Variants in TAF6 observed in about 807,000 individuals in gnomAD.
The protein encoded by TAF6 is TATA-box binding protein associated factor 6, also known as transcription initiation factor TFIID subunit 6.
Under a neutral mutation model 73.5 loss-of-function variants are expected in TAF6, and 50 were observed. The ratio of observed to expected loss-of-function variants is 0.68; its 90% confidence interval spans 0.54 to 0.86. The LOEUF (loss-of-function observed/expected upper bound fraction) is 0.86, where lower values mean the gene tolerates loss of function less well. Ranked by LOEUF, TAF6 falls within the 40% of genes least tolerant of loss-of-function variation. The probability of loss-of-function intolerance (pLI) is 0.00; values close to 1 mark genes in which losing one functional copy is unlikely to be tolerated. For missense variants in TAF6, 768 were observed against 899.5 expected (o/e 0.85, Z 1.87); for synonymous variants, 424 against 376.7 (o/e 1.13, Z -1.45).
At position 100,117,977 on chromosome 7, in the gene TAF6, C is replaced by T. The variant is rs1301959213; in HGVS notation, c.-60+1227G>A. ...AGGAGAATGGCGTGAGCCCGGGAGG[C>T]GGAGCTTGCAGTGAGCCGAGATCGC... On this transcript the variant is annotated intron_variant, in intron 1 of 14. Coordinates refer to ENST00000453269, the MANE Select transcript of TAF6 (RefSeq NM_139315.3). Among the ~76,000 whole-genome samples the T allele has an allele frequency of 4.1e-5, 6 of 145,826 alleles. No individual in the cohort carries two copies. The East Asian group carries it at 6.5e-4, about 16-fold the overall frequency.
At chr7:100,119,538 T>G (rs1462414052), upstream of TAF6, 3 of 1,362,802 alleles carry the variant, frequency 2.2e-6, no homozygotes, top group Non-Finnish European at 2.0e-6. Flanking sequence ...ACTACCCGGC[T>G]GCCAGGACCT....
chr7:100,121,841 C>G (rs1055498202), upstream of TAF6, among the ~76,000 whole-genome samples: 52 of 151,320 alleles, frequency 3.4e-4, no homozygotes, highest in Admixed American at 9.2e-4. Flanking sequence ...ACAAGGTCAG[C>G]TGATCGAGAC....
At chr7:100,112,762 C>T (rs748044580) in intron 6 of TAF6, 36 bp downstream of exon 6, 1 of 1,555,492 alleles carries the variant, frequency 6.4e-7, no homozygotes, top group South Asian at 1.2e-5. Flanking sequence ...TGGCTTTGGG[C>T]AAGAGTCCAG....
At chr7:100,122,987 G>GCGACCACCGA, upstream of TAF6, 1 of 1,458,214 alleles carries the variant, frequency 6.9e-7, no homozygotes, top group East Asian at 2.3e-5. Flanking sequence ...TGACTATAGG[G>GCGACCACCGA]GATGTCTACC....
upstream of TAF6, chr7:100,122,756 GGCT>G: frequency 1.2e-6 from 2 of 1,604,290 alleles, no homozygotes; most frequent in Non-Finnish European, 1.7e-6. Flanking sequence ...TGGTGAGCTG[GGCT>G]GATGCCAAAT....
chr7:100,114,836 G>A (rs914382902), intron 1 of TAF6, among the ~76,000 whole-genome samples: 1 of 152,012 alleles, frequency 6.6e-6, no homozygotes, highest in Non-Finnish European at 1.5e-5. Flanking sequence ...ACAACACAGT[G>A]AGACCCCATC....
At chr7:100,111,429 T>C (rs1451088392) in intron 9 of TAF6, 108 bp from the exon 10 acceptor site, 2 of 1,314,158 alleles carry the variant, frequency 1.5e-6, no homozygotes, top group Admixed American at 2.3e-5. Context: ...CATGGCTAAC[T>C]GCAGCATCAA....
At position 100,113,609 on chromosome 7, in the gene TAF6, C is replaced by T. The variant is rs1227123900; in HGVS notation, c.397+7G>A. On this transcript the variant is annotated splice_region_variant and intron_variant, in intron 4 of 14. Coordinates refer to ENST00000453269, the MANE Select transcript of TAF6 (RefSeq NM_139315.3). ...CTCCCTGCCACCCTGCTCTCCCCTC[C>T]CCCAACCTTTGAGGCAGACGTCCAG... The T allele has an allele frequency of 1.9e-6, 3 of 1,613,720 alleles. No individual in the cohort carries two copies. The highest frequency in any genetic ancestry group is 2.5e-6 in the Non-Finnish European group (3 of 1,179,862).
chr7:100,108,627 C>T, intron 12 of TAF6, 87 bp from the exon 13 acceptor site: 1 of 1,441,348 alleles, frequency 6.9e-7, no homozygotes, highest in Non-Finnish European at 9.3e-7. Flanking sequence ...TTGAGAAGAA[C>T]CTTGGGGATG....
intron 1 of TAF6, among the ~76,000 whole-genome samples, chr7:100,117,920 A>T (rs948569254): frequency 2.6e-5 from 4 of 151,942 alleles, no homozygotes; most frequent in African/African-American, 9.7e-5. Context: ...GCAGGCACCT[A>T]TAGTCCCTGC....
chr7:100,107,859 G>A, intron 14 of TAF6, 67 bp downstream of exon 14: 2 of 1,532,912 alleles, frequency 1.3e-6, no homozygotes, highest in Non-Finnish European at 1.8e-6. Flanking sequence ...CTACTCCTGG[G>A]CCTCCCCAGG....
intron 1 of TAF6, 80 bp from the exon 2 acceptor site, chr7:100,114,348 A>G: frequency 7.2e-7 from 1 of 1,382,874 alleles, no homozygotes; most frequent in South Asian, 1.2e-5. Context: ...GACAGTGGAG[A>G]CAGGGGAGGA....
chr7:100,108,764 C>A, intron 12 of TAF6: 1 of 466,780 alleles, frequency 2.1e-6, no homozygotes, highest in Non-Finnish European at 3.8e-6. Context: ...GGGCCAGGTG[C>A]AGCATCTTAG....
Position 100,113,902 on chromosome 7 carries a change from T to G in TAF6, c.209A>C (p.Asp70Ala). ...CTTTAGCTTCAAGGCGTAGTCAATGTCACTGGTGGTGAGCTTCTGCCGCTT... is the reference window on the plus strand; with the variant it reads ...CTTTAGCTTCAAGGCGTAGTCAATGGCACTGGTGGTGAGCTTCTGCCGCTT... ...MGKRQKLTTS[D>A]IDYALKLKNV... The change falls in exon 3 of 15, where the codon GAC (aspartate) becomes GCC (alanine). Residue 70 changes from aspartate to alanine, a missense_variant. By Grantham distance (126) the Asp-to-Ala change is moderately radical. Around this residue, in one of 5 missense-constraint regions of TAF6, gnomAD observed 269 missense variants for 268.0 expected, o/e 1.00. Coordinates refer to ENST00000453269, the MANE Select transcript of TAF6 (RefSeq NM_139315.3). 1 of 1,613,814 alleles carries G rather than the reference T, an allele frequency of 6.2e-7. No homozygotes were observed.
chr7:100,114,526 C>T, intron 1 of TAF6: 1 of 600,060 alleles, frequency 1.7e-6, no homozygotes, highest in Non-Finnish European at 3.0e-6. Flanking sequence ...TCGAGACCAG[C>T]CTGGCCAACA....
At chr7:100,122,933 G>A (rs766552311), upstream of TAF6, 4 of 1,592,654 alleles carry the variant, frequency 2.5e-6, no homozygotes, top group East Asian at 9.0e-5. Flanking sequence ...CACCATCCAG[G>A]GAGGTGAGAA....
At chr7:100,114,553 C>T (rs1797518672) in intron 1 of TAF6, 1 of 591,758 alleles carries the variant, frequency 1.7e-6, no homozygotes. Flanking sequence ...AACCCCATCT[C>T]TACTAAAAAT....
chr7:100,122,764 C>T (rs569894477), upstream of TAF6: 11 of 1,606,858 alleles, frequency 6.8e-6, no homozygotes, highest in South Asian at 1.2e-4. Flanking sequence ...TGGGCTGATG[C>T]CAAATTCTTA....
At chr7:100,117,778 C>T (rs960324869) in intron 1 of TAF6, among the ~76,000 whole-genome samples, 2 of 151,996 alleles carry the variant, frequency 1.3e-5, no homozygotes, top group African/African-American at 2.4e-5. Context: ...CGTGGTGGCT[C>T]ACGCCTGTAA....
Sources: allele counts gnomAD v4.1 joint callset (sites outside exome capture counted in the v4.1 genomes callset), GRCh38; gene constraint gnomAD v4.1.1; regional missense constraint gnomAD v4.1.1; transcripts MANE v1.5; gene names NCBI Gene and HGNC (gene_info 2026-07-23, HGNC 2026-07-21).